AAGAB: variants seen among roughly 807,000 people sequenced by gnomAD.
The protein encoded by AAGAB is alpha and gamma adaptin binding protein.
A neutral mutation model predicts 44.1 loss-of-function variants in AAGAB; 38 were observed. That is an observed-to-expected ratio of 0.86 (90% CI 0.67 to 1.13). The LOEUF (loss-of-function observed/expected upper bound fraction) is 1.13, where lower values mean the gene tolerates loss of function less well. Ranked by LOEUF, AAGAB falls within the 50% of genes most tolerant of loss-of-function variation. The pLI is 0.00. For synonymous variants in AAGAB, 131 were observed against 131.8 expected (o/e 0.99, Z 0.04); for missense variants, 450 against 373.8 (o/e 1.20, Z -1.68).
chr15:67,224,585 CTTTTT>C (rs892410820), intron 5 of AAGAB, among the ~76,000 whole-genome samples: 3 of 138,836 alleles, frequency 2.2e-5, no homozygotes, highest in African/African-American at 7.9e-5. Context: ...TTTTTCTTTT[CTTTTT>C]TTTTTTTTTT....
rs189661701 is a variant in AAGAB, at chr15:67,205,904, T to C, written c.716-1756A>G. ...CTTAATTTACTCTTAAAAAAAAACT[T>C]GCAAAAATAGTACACAGAGTTTCTA... On this transcript the variant is annotated intron_variant, in intron 7 of 9. Coordinates refer to ENST00000261880, the MANE Select transcript of AAGAB (RefSeq NM_024666.5). Among the ~76,000 whole-genome samples the C allele has an allele frequency of 1.7e-4, 26 of 152,310 alleles. No individual in the cohort carries two copies. The East Asian group carries it at 4.2e-3, about 25-fold the overall frequency.
chr15:67,254,477 C>T, intron 1 of AAGAB, 82 bp downstream of exon 1: 1 of 1,507,602 alleles, frequency 6.6e-7, no homozygotes, highest in Non-Finnish European at 8.9e-7. Flanking sequence ...GGGGACAAGG[C>T]CCAGAGAGGC....
At chr15:67,247,699 C>T (rs1964760536) in intron 1 of AAGAB, among the ~76,000 whole-genome samples, 1 of 152,200 alleles carries the variant, frequency 6.6e-6, no homozygotes, top group South Asian at 2.1e-4. Flanking sequence ...TAGTCTAAAA[C>T]TTCGCACGAA....
intron 5 of AAGAB, among the ~76,000 whole-genome samples, chr15:67,226,273 C>G (rs1412018761): frequency 6.6e-6 from 1 of 152,024 alleles, no homozygotes; most frequent in Non-Finnish European, 1.5e-5. Flanking sequence ...GCTGGGACTA[C>G]AGGTCCGGTT....
intron 4 of AAGAB, chr15:67,232,726 T>C (rs1302141490): frequency 4.0e-6 from 1 of 247,926 alleles, no homozygotes; most frequent in Non-Finnish European, 8.3e-6. Flanking sequence ...AGACATGGCC[T>C]GTGTGAGAAG....
chr15:67,208,513 A>G (rs1274234340), intron 7 of AAGAB, 49 bp downstream of exon 7: 1 of 1,539,188 alleles, frequency 6.5e-7, no homozygotes, highest in Non-Finnish European at 9.0e-7. Flanking sequence ...CCAGATACCT[A>G]TTCCAAGTTG....
At chr15:67,210,104 A>G (rs1963780153) in intron 5 of AAGAB, among the ~76,000 whole-genome samples, 1 of 152,268 alleles carries the variant, frequency 6.6e-6, no homozygotes, top group Non-Finnish European at 1.5e-5. Flanking sequence ...ATGCTTTCAT[A>G]GCCACTATGA....
intron 5 of AAGAB, among the ~76,000 whole-genome samples, chr15:67,228,351 G>C (rs1176502725): frequency 6.6e-6 from 1 of 152,156 alleles, no homozygotes; most frequent in Non-Finnish European, 1.5e-5. Context: ...GCTCAACAAG[G>C]ATTTGCTAAA....
intron 7 of AAGAB, among the ~76,000 whole-genome samples, chr15:67,204,851 C>T (rs1397087880): frequency 6.6e-6 from 1 of 152,232 alleles, no homozygotes; most frequent in African/African-American, 2.4e-5. Context: ...CCCACTTTCA[C>T]AGGTCTCCTT....
intron 5 of AAGAB, among the ~76,000 whole-genome samples, chr15:67,228,108 T>C (rs1964246400): frequency 6.6e-6 from 1 of 152,216 alleles, no homozygotes; most frequent in Non-Finnish European, 1.5e-5. Flanking sequence ...TCCAAAGTAA[T>C]AAAGCATGTT....
chr15:67,255,164 C>G (rs1015061027), upstream of AAGAB: 1 of 595,034 alleles, frequency 1.7e-6, no homozygotes, highest in Non-Finnish European at 3.0e-6. Context: ...AGAAGCAGGA[C>G]TTTCTGCCTC....
intron 5 of AAGAB, among the ~76,000 whole-genome samples, chr15:67,212,663 A>G (rs1466732720): frequency 2.0e-5 from 3 of 152,268 alleles, no homozygotes; most frequent in Non-Finnish European, 4.4e-5. Flanking sequence ...TAAGGAACTT[A>G]GAAACATACA....
chr15:67,254,443 G>C (rs573899433), intron 1 of AAGAB, 116 bp downstream of exon 1: 55 of 1,458,700 alleles, frequency 3.8e-5, no homozygotes, highest in Non-Finnish European at 4.7e-5. Context: ...CCACTGACTG[G>C]AGGAAGAACG....
chr15:67,235,853 T>C, intron 4 of AAGAB, 126 bp downstream of exon 4: 1 of 715,364 alleles, frequency 1.4e-6, no homozygotes, highest in South Asian at 2.0e-5. Context: ...TCAATGGATT[T>C]TGCTTAAATC....
intron 1 of AAGAB, among the ~76,000 whole-genome samples, chr15:67,253,523 A>AAAC (rs1426426748): frequency 5.1e-4 from 77 of 152,076 alleles, no homozygotes; most frequent in Middle Eastern, 6.8e-3. Context: ...GGCGGCCAAG[A>AAAC]CAGGAGGATC....
chr15:67,231,668 C>A (rs998508101), intron 5 of AAGAB, 146 bp downstream of exon 5: 1 of 638,578 alleles, frequency 1.6e-6, no homozygotes, highest in Non-Finnish European at 2.8e-6. Context: ...AGAAATGCTA[C>A]TTTTGGCGCT....
intron 4 of AAGAB, chr15:67,232,667 C>T (rs552453245): frequency 3.7e-5 from 11 of 296,766 alleles, no homozygotes; most frequent in East Asian, 3.3e-4. Flanking sequence ...GCATAATTTA[C>T]GATTCCTTGG....
chr15:67,222,079 A>G (rs1964077163), intron 5 of AAGAB, among the ~76,000 whole-genome samples: 1 of 152,050 alleles, frequency 6.6e-6, no homozygotes, highest in East Asian at 1.9e-4. Context: ...ACCCACTCCA[A>G]TTGACTTCCA....
chr15:67,222,240 GCGCACA>G (rs58308073), intron 5 of AAGAB, among the ~76,000 whole-genome samples: 10,228 of 88,058 alleles, frequency 0.12, 356 homozygotes, highest in Admixed American at 0.18. Context: ...ACGCGCGCGC[GCGCACA>G]CACACACACA....
Sources: gnomAD v4.1 joint callset for allele counts (sites outside exome capture counted in the v4.1 genomes callset) on GRCh38, gnomAD v4.1.1 for gene constraint, MANE v1.5 for transcripts, NCBI Gene and HGNC (gene_info 2026-07-23, HGNC 2026-07-21) for gene names.